Variants in NKAIN2 observed in about 807,000 individuals in gnomAD.
NKAIN2 encodes the protein sodium/potassium-transporting ATPase subunit beta-1-interacting protein 2.
Under a neutral mutation model 32.6 loss-of-function variants are expected in NKAIN2, and 14 were observed. The ratio of observed to expected loss-of-function variants is 0.43; its 90% CI spans 0.28 to 0.67. The LOEUF (loss-of-function observed/expected upper bound fraction) is 0.67. Ranked by LOEUF, NKAIN2 falls within the 30% of genes least tolerant of loss-of-function variation. The pLI, the probability that NKAIN2 is intolerant of heterozygous loss-of-function variation, is 0.17. For missense variants in NKAIN2, 198 were observed against 258.3 expected, an observed-to-expected ratio of 0.77 and a Z score of 1.60; for synonymous variants, 80 against 87.2, an observed-to-expected ratio of 0.92 and a Z score of 0.46.
intron 4 of NKAIN2, among the ~76,000 whole-genome samples, chr6:124,685,583 T>C (rs1258449972): frequency 6.6e-6 from 1 of 152,168 alleles, no homozygotes; most frequent in African/African-American, 2.4e-5. Context: ...TAGCACACGA[T>C]AAAATGCACA....
At chr6:124,079,895 G>T (rs551195636) in intron 1 of NKAIN2, among the ~76,000 whole-genome samples, 1 of 151,924 alleles carries the variant, frequency 6.6e-6, no homozygotes, top group East Asian at 1.9e-4. Context: ...AAGGTAGTGG[G>T]CAGAAAGGAA....
intron 1 of NKAIN2, among the ~76,000 whole-genome samples, chr6:124,009,724 T>A (rs1780235644): frequency 6.6e-6 from 1 of 152,154 alleles, no homozygotes; most frequent in Admixed American, 6.6e-5. Context: ...CTTCATAAAA[T>A]AAATAGGAAC....
chr6:124,278,434 A>G (rs1014870821), intron 1 of NKAIN2, among the ~76,000 whole-genome samples: 3 of 151,904 alleles, frequency 2.0e-5, no homozygotes, highest in Non-Finnish European at 4.4e-5. Context: ...GGAAAGTAAG[A>G]CAATTTGTCC....
At position 124,070,530 on chromosome 6, in the gene NKAIN2, G is replaced by A. The variant is rs1783405907; in HGVS notation, c.55-212475G>A. Among the ~76,000 whole-genome samples, 3 of 152,128 alleles carry A rather than the reference G, an allele frequency of 2.0e-5. No individual in the cohort carries two copies. In the South Asian group the frequency reaches 6.2e-4, roughly 32 times the overall value. The stretch of plus-strand genomic sequence containing the variant: ...CAATACCAAAAACCCTTGGCATTTA[G>A]CTCATGGCTTTCTGTCCTGAGAGGC... On this transcript the variant is annotated intron_variant, in intron 1 of 6. Coordinates refer to ENST00000368417, the MANE Select transcript of NKAIN2 (RefSeq NM_001040214.3).
At chr6:124,823,172 C>G (rs1781459829) in intron 6 of NKAIN2, 48 bp from the exon 7 acceptor site, 5 of 1,354,558 alleles carry the variant, frequency 3.7e-6, no homozygotes, top group Non-Finnish European at 5.3e-6. Context: ...GAGCAGCAGG[C>G]ACCTGTCACT....
chr6:124,321,684 A>G (rs1362576398), intron 2 of NKAIN2, among the ~76,000 whole-genome samples: 1 of 152,098 alleles, frequency 6.6e-6, no homozygotes, highest in Non-Finnish European at 1.5e-5. Context: ...CTTTCATACT[A>G]TAAAAGAATA....
chr6:124,627,127 G>T (rs113302339), intron 3 of NKAIN2, among the ~76,000 whole-genome samples: 2 of 152,004 alleles, frequency 1.3e-5, no homozygotes, highest in African/African-American at 4.8e-5. Context: ...AAAATTAGGT[G>T]GGCATGATGG....
chr6:124,680,754 T>G (rs1773580399), intron 4 of NKAIN2, among the ~76,000 whole-genome samples: 1 of 152,056 alleles, frequency 6.6e-6, no homozygotes, highest in Admixed American at 6.6e-5. Flanking sequence ...ACAAATTACT[T>G]GACCACTGCA....
chr6:124,217,875 G>A (rs1791571222), intron 1 of NKAIN2, among the ~76,000 whole-genome samples: 1 of 151,716 alleles, frequency 6.6e-6, no homozygotes, highest in Admixed American at 6.6e-5. Context: ...TATTAACTAA[G>A]ATGTTCTTCT....
intron 3 of NKAIN2, among the ~76,000 whole-genome samples, chr6:124,548,780 G>A (rs1316618891): frequency 6.6e-6 from 1 of 152,122 alleles, no homozygotes; most frequent in African/African-American, 2.4e-5. Flanking sequence ...TAGAAAATCA[G>A]GAATGTGTGG....
chr6:124,035,487 A>C (rs929943133), intron 1 of NKAIN2, among the ~76,000 whole-genome samples: 1 of 152,166 alleles, frequency 6.6e-6, no homozygotes, highest in South Asian at 2.1e-4. Context: ...ATTCCCAGCT[A>C]ATCTCCTGTA....
At chr6:124,796,724 C>T (rs1780014659) in intron 5 of NKAIN2, among the ~76,000 whole-genome samples, 1 of 152,090 alleles carries the variant, frequency 6.6e-6, no homozygotes, top group African/African-American at 2.4e-5. Flanking sequence ...GACCTTAGAA[C>T]CCTATTTGAG....
chr6:124,701,622 G>A (rs542140667), intron 4 of NKAIN2, among the ~76,000 whole-genome samples: 1 of 152,106 alleles, frequency 6.6e-6, no homozygotes, highest in South Asian at 2.1e-4. Context: ...TTTCTCAGGA[G>A]AAAAAGAAGC....
chr6:124,170,784 G>A (rs1215896881), intron 1 of NKAIN2, among the ~76,000 whole-genome samples: 3 of 152,078 alleles, frequency 2.0e-5, no homozygotes, highest in African/African-American at 7.2e-5. Flanking sequence ...AAACATTCAG[G>A]TGATACCTAG....
chr6:124,798,387 T>C (rs1780105262), intron 5 of NKAIN2, among the ~76,000 whole-genome samples: 1 of 152,170 alleles, frequency 6.6e-6, no homozygotes, highest in Non-Finnish European at 1.5e-5. Flanking sequence ...TTATAACATT[T>C]GTCTTATGAA....
chr6:124,232,578 A>C (rs1792516816), intron 1 of NKAIN2, among the ~76,000 whole-genome samples: 1 of 152,184 alleles, frequency 6.6e-6, no homozygotes, highest in African/African-American at 2.4e-5. Context: ...AAACTATGTG[A>C]CACCCAAGAC....
chr6:123,972,409 A>G (rs1418138002), intron 1 of NKAIN2, among the ~76,000 whole-genome samples: 1 of 152,214 alleles, frequency 6.6e-6, no homozygotes, highest in Non-Finnish European at 1.5e-5. Flanking sequence ...CAAATAGCCT[A>G]ATGGAAGATT....
At chr6:124,708,449 G>T (rs891284714) in intron 4 of NKAIN2, among the ~76,000 whole-genome samples, 7 of 151,826 alleles carry the variant, frequency 4.6e-5, no homozygotes, top group African/African-American at 1.7e-4. Flanking sequence ...GCCATTTTCA[G>T]GATATTGATT....
chr6:124,009,833 C>T (rs1048926667), intron 1 of NKAIN2, among the ~76,000 whole-genome samples: 2 of 151,880 alleles, frequency 1.3e-5, no homozygotes, highest in African/African-American at 2.4e-5. Flanking sequence ...TGCAGTCACC[C>T]CATATACATA....
Sources: allele counts gnomAD v4.1 joint callset (sites outside exome capture counted in the v4.1 genomes callset), GRCh38; gene constraint gnomAD v4.1.1; transcripts MANE v1.5; gene names NCBI Gene and HGNC (gene_info 2026-07-23, HGNC 2026-07-21).